Variants in MBOAT2 observed in about 807,000 individuals in gnomAD.
MBOAT2 encodes the protein membrane bound glycerophospholipid O-acyltransferase 2.
A neutral mutation model predicts 63.4 loss-of-function variants in MBOAT2; 28 were observed. The ratio of observed to expected loss-of-function variants is 0.44; its 90% CI spans 0.33 to 0.61. The LOEUF is 0.61. Among genes scored for constraint, MBOAT2 ranks in the 20% least tolerant of loss-of-function variants. The probability of loss-of-function intolerance (pLI) is 0.03; values close to 1 mark genes in which losing one functional copy is unlikely to be tolerated. For synonymous variants in MBOAT2, 211 were observed against 215.6 expected (o/e 0.98, Z 0.19); for missense variants, 470 against 605.8 (o/e 0.78, Z 2.35).
intron 1 of MBOAT2, among the ~76,000 whole-genome samples, chr2:9,002,203 C>T (rs1573300802): frequency 6.6e-6 from 1 of 152,124 alleles, no homozygotes; most frequent in Admixed American, 6.5e-5. Flanking sequence ...AGCAAGACAC[C>T]CATTAGAACT....
intron 1 of MBOAT2, among the ~76,000 whole-genome samples, chr2:8,975,955 C>A (rs1670786062): frequency 6.6e-6 from 1 of 152,098 alleles, no homozygotes. Context: ...ATTCCACCTA[C>A]ACCAAATACA....
intron 10 of MBOAT2, among the ~76,000 whole-genome samples, chr2:8,863,773 T>C (rs993043422): frequency 1.3e-5 from 2 of 152,196 alleles, no homozygotes; most frequent in African/African-American, 4.8e-5. Context: ...ATTTGTTGAA[T>C]TGAAATATTT....
intron 2 of MBOAT2, among the ~76,000 whole-genome samples, chr2:8,947,626 A>C (rs1668505123): frequency 6.6e-6 from 1 of 152,234 alleles, no homozygotes; most frequent in Non-Finnish European, 1.5e-5. Flanking sequence ...AATTACGCTA[A>C]ATCGATTCTG....
At chr2:8,989,333 T>C (rs1307402138) in intron 1 of MBOAT2, among the ~76,000 whole-genome samples, 3 of 152,214 alleles carry the variant, frequency 2.0e-5, no homozygotes, top group African/African-American at 7.2e-5. Flanking sequence ...GCATGCCTCA[T>C]GGGTTCTATC....
At chr2:8,867,891 G>C (rs547404955) in intron 9 of MBOAT2, among the ~76,000 whole-genome samples, 1 of 152,106 alleles carries the variant, frequency 6.6e-6, no homozygotes, top group Non-Finnish European at 1.5e-5. Context: ...TAATCCATCC[G>C]CAGTGCCCCA....
chr2:8,889,394 T>C (rs1267711711), intron 4 of MBOAT2, among the ~76,000 whole-genome samples: 1 of 152,252 alleles, frequency 6.6e-6, no homozygotes, highest in African/African-American at 2.4e-5. Flanking sequence ...GTCTCATCAA[T>C]GACAAATGTT....
Position 8,915,402 on chromosome 2 carries a change from T to C in MBOAT2, c.300-6686A>G, listed in dbSNP as rs552387478. On this transcript the variant is annotated intron_variant, in intron 3 of 12. Transcript: ENST00000305997. ...TCTGATGGCTGCTGTAGCAGCCATC[T>C]TGCACCCATGAGGTAATCAGCTGAG... Among the ~76,000 whole-genome samples the C allele has an allele frequency of 4.6e-5, 7 of 152,272 alleles. No individual in the cohort carries two copies. In the East Asian group the frequency reaches 1.4e-3, roughly 29 times the overall value.
In MBOAT2 at chr2:8,943,183, T is replaced by C; in HGVS notation, c.299+4A>G. The C allele has an allele frequency of 6.6e-7, 1 of 1,516,936 alleles. No homozygotes were observed. Among genetic ancestry groups the C allele is most frequent in the East Asian group, 2.3e-5 (1 of 43,110 alleles). 94.0% of individuals were successfully genotyped at this position (1,516,936 alleles called of 1,614,324 possible). The stretch of plus-strand genomic sequence containing the variant: ...ATTTTCATGTGAACAAAGTGAATAC[T>C]TACTTGTGCATGTTCTCCACTCCTA... On this transcript the variant is annotated splice_donor_region_variant and intron_variant, in intron 3 of 12. Transcript: ENST00000305997.
chr2:8,992,283 C>G (rs1336753871), intron 1 of MBOAT2, among the ~76,000 whole-genome samples: 4 of 152,180 alleles, frequency 2.6e-5, no homozygotes, highest in Non-Finnish European at 4.4e-5. Context: ...ACAGCCAGCA[C>G]CTCTCTCCAT....
chr2:8,983,587 G>T (rs749076824), intron 1 of MBOAT2, among the ~76,000 whole-genome samples: 4 of 152,142 alleles, frequency 2.6e-5, no homozygotes, highest in Non-Finnish European at 5.9e-5. Flanking sequence ...AGAGACATGC[G>T]AACTAAATGC....
chr2:8,939,687 T>G (rs750650115), intron 3 of MBOAT2, among the ~76,000 whole-genome samples: 2 of 151,964 alleles, frequency 1.3e-5, no homozygotes, highest in African/African-American at 2.4e-5. Context: ...AGCAGGGAGG[T>G]CATCTGAGGT....
chr2:8,986,601 T>G (rs758352587), intron 1 of MBOAT2, among the ~76,000 whole-genome samples: 2 of 151,784 alleles, frequency 1.3e-5, no homozygotes, highest in African/African-American at 4.8e-5. Flanking sequence ...CTGCATAAGA[T>G]CCAGGAACAC....
In MBOAT2 at chr2:9,003,195, G is replaced by C. The variant is rs1023939857; in HGVS notation, c.75+345C>G. 1.1e-4 allele frequency among the ~76,000 whole-genome samples: 16 copies of C among 152,128 alleles called. No homozygotes were observed. The highest frequency in any genetic ancestry group is 9.2e-4 in the Admixed American group (14 of 15,288). ...GTCCATGCGCACCGGGGGCTGCTCCGGGACCCGACCACCGGATCCGAGCGC... is the reference window on the plus strand; with the variant it reads ...GTCCATGCGCACCGGGGGCTGCTCCCGGACCCGACCACCGGATCCGAGCGC... On this transcript the variant is annotated intron_variant, in intron 1 of 12. Coordinates refer to ENST00000305997, the MANE Select transcript of MBOAT2 (RefSeq NM_138799.4). This position sits in a 1 kb window ranked among gnomAD's most constrained non-coding sequence, Gnocchi z 5.4.
intron 1 of MBOAT2, among the ~76,000 whole-genome samples, chr2:8,990,000 C>A (rs1200102524): frequency 6.6e-6 from 1 of 152,182 alleles, no homozygotes; most frequent in African/African-American, 2.4e-5. Flanking sequence ...AGAACCACAA[C>A]TGGAACACAG....
intron 1 of MBOAT2, among the ~76,000 whole-genome samples, chr2:9,000,785 C>T (rs191618702): frequency 1.9e-3 from 293 of 152,298 alleles, no homozygotes; most frequent in African/African-American, 6.6e-3. Context: ...TCTACATTTA[C>T]GCTACACTGA....
chr2:8,909,764 C>T (rs906141530), intron 3 of MBOAT2, among the ~76,000 whole-genome samples: 2 of 152,200 alleles, frequency 1.3e-5, no homozygotes, highest in South Asian at 2.1e-4. Context: ...TTCATGATTG[C>T]TGTATCTGAC....
intron 4 of MBOAT2, among the ~76,000 whole-genome samples, chr2:8,903,268 ACTT>A (rs768048447): frequency 1.2e-4 from 18 of 152,278 alleles, no homozygotes; most frequent in Admixed American, 2.0e-4. Context: ...ATGGTCTATC[ACTT>A]CTTCTTATAC....
chr2:8,878,575 G>A (rs1662874144), intron 6 of MBOAT2, among the ~76,000 whole-genome samples: 1 of 152,196 alleles, frequency 6.6e-6, no homozygotes, highest in African/African-American at 2.4e-5. Context: ...TCAAACTCCT[G>A]AGCTCAAGCA....
chr2:8,884,754 A>G (rs1290066734), intron 5 of MBOAT2, among the ~76,000 whole-genome samples: 1 of 152,236 alleles, frequency 6.6e-6, no homozygotes, highest in Non-Finnish European at 1.5e-5. Flanking sequence ...ACTAACCAAG[A>G]AAAGTAGACA....
Sources: allele counts gnomAD v4.1 joint callset (sites outside exome capture counted in the v4.1 genomes callset), GRCh38; gene constraint gnomAD v4.1.1; non-coding constraint Gnocchi (gnomAD v3.1); transcripts MANE v1.5; gene names NCBI Gene and HGNC (gene_info 2026-07-23, HGNC 2026-07-21).